The following ERAP1 variants were observed in gnomAD, a reference collection of about 807,000 sequenced individuals.
ERAP1 encodes endoplasmic reticulum aminopeptidase 1, also known as adipocyte-derived leucine aminopeptidase.
A neutral mutation model predicts 103.7 loss-of-function variants in ERAP1; 86 were observed. That is an observed-to-expected ratio of 0.83 (90% confidence interval 0.70 to 0.99). The LOEUF (loss-of-function observed/expected upper bound fraction) is 0.99, where lower values mean the gene tolerates loss of function less well. Among genes scored for constraint, ERAP1 ranks in the 50% least tolerant of loss-of-function variants. ERAP1 has a pLI of 0.00. For synonymous variants in ERAP1, 398 were observed against 402.4 expected (o/e 0.99, Z 0.13); for missense variants, 1,009 against 1,128.4 (o/e 0.89, Z 1.52).
chr5:96,855,745 T>C, the ERAP1 span, among the ~76,000 whole-genome samples: 1 of 152,208 alleles, frequency 6.6e-6, no homozygotes, highest in African/African-American at 2.4e-5. Flanking sequence ...TTTTTAGATC[T>C]GATTTCACAG....
chr5:96,878,583 C>G, the ERAP1 span, among the ~76,000 whole-genome samples: 1 of 152,054 alleles, frequency 6.6e-6, no homozygotes, highest in Non-Finnish European at 1.5e-5. Context: ...TGCTTGACCC[C>G]AGGAATTTGA....
At position 96,776,279 on chromosome 5, in the gene ERAP1, A is replaced by AGTT; in HGVS notation, c.*114_*116dup. On this transcript the variant is annotated 3_prime_UTR_variant, in exon 19 of 19. Transcript: ENST00000443439. ...TTTTCACAGGGATAGTCAAAAAATGAGTTGAAGGGAAAAAAGTATCTCCAG... is the reference window on the plus strand; with the variant it reads ...TTTTCACAGGGATAGTCAAAAAATGAGTTGTTGAAGGGAAAAAAGTATCTCCAG... 6.5e-7 allele frequency: 1 copy of AGTT among 1,532,372 alleles called. No individual in the cohort carries two copies. The allele number at this position is 1,532,372 out of a possible 1,614,324, so 94.9% of individuals were successfully genotyped here.
At chr5:96,832,953 A>C in the ERAP1 span, among the ~76,000 whole-genome samples, 1 of 152,172 alleles carries the variant, frequency 6.6e-6, no homozygotes, top group African/African-American at 2.4e-5. Context: ...TCGTGAATGA[A>C]ATTAGTGCCC....
chr5:96,763,942 G>A (rs186382404), intron 19 of ERAP1, among the ~76,000 whole-genome samples: 1 of 145,368 alleles, frequency 6.9e-6, no homozygotes, highest in African/African-American at 2.6e-5. Flanking sequence ...AACTGACTTA[G>A]CTTCCCTGAG....
rs767129427 is a variant in ERAP1, at chr5:96,786,541, C to T, written c.1688G>A (p.Trp563Ter). ...SDGAPDTGYLWHVPLTFITSK... is the reference protein window; with the variant it reads ...SDGAPDTGYL ...GGTGATGAATGTCAATGGAACATGC[C>T]ACAGGTACCTAAAATAAAGGAGAGG... is the stretch of plus-strand genomic sequence containing the variant. The change falls in exon 12 of 19, where the codon TGG becomes TAG. Residue 563 changes from tryptophan to a stop codon, truncating the protein, a stop_gained. Coordinates refer to ENST00000443439, the MANE Select transcript of ERAP1 (RefSeq NM_001040458.3). LOFTEE classifies it high-confidence loss of function. 6.8e-6 allele frequency: 11 copies of T among 1,609,180 alleles called. No individual in the cohort carries two copies. Among genetic ancestry groups the T allele is most frequent in the East Asian group, 2.2e-5 (1 of 44,878 alleles).
At chr5:96,908,018 A>C in the ERAP1 span, among the ~76,000 whole-genome samples, 1 of 152,188 alleles carries the variant, frequency 6.6e-6, no homozygotes, top group African/African-American at 2.4e-5. Context: ...GTGATTGAGA[A>C]GATTAAAGGG....
chr5:96,772,933 AC>A (rs1772983786), downstream of ERAP1: 3 of 154,024 alleles, frequency 1.9e-5, no homozygotes, highest in South Asian at 2.1e-4. Context: ...CACCAAAAAA[AC>A]AAAAGAAAAG....
chr5:96,782,550 T>A (rs899029991), intron 15 of ERAP1, among the ~76,000 whole-genome samples: 4 of 152,218 alleles, frequency 2.6e-5, no homozygotes, highest in African/African-American at 9.7e-5. Flanking sequence ...TTCTTTAAGC[T>A]GAAGCATGTA....
chr5:96,891,894 C>T, the ERAP1 span, among the ~76,000 whole-genome samples: 5 of 152,182 alleles, frequency 3.3e-5, no homozygotes, highest in East Asian at 3.9e-4. Flanking sequence ...GTTCATTATA[C>T]GTTTTGATGA....
At position 96,776,097 on chromosome 5, in the gene ERAP1, C is replaced by CTG. The variant is rs148692674; in HGVS notation, c.*298_*299insCA. ...AACATGGGGTACAGGGTTTTGGACA[C>CTG]GGGTGCTTAAGCATAAACTATAAAA... On this transcript the variant is annotated 3_prime_UTR_variant, in exon 19 of 19. Transcript: ENST00000443439. 150,202 of 1,318,470 alleles carry CTG rather than the reference C, an allele frequency of 0.11. 9,384 individuals carry two copies. The highest frequency in any genetic ancestry group is 0.13 in the Non-Finnish European group (127,579 of 1,012,266). The allele number at this position is 1,318,470 out of a possible 1,614,324, so 81.7% of individuals were successfully genotyped here. A position where few individuals can be genotyped will look rare whatever the true frequency, so the allele number is the denominator to read the frequency against.
At chr5:96,873,685 A>G in the ERAP1 span, 4 of 323,872 alleles carry the variant, frequency 1.2e-5, no homozygotes, top group East Asian at 7.7e-5. Context: ...AAGGAAAAAC[A>G]AAAAACAAAA....
At chr5:96,786,892 TCCTTGGGATTCC>T in intron 11 of ERAP1, 1 of 223,394 alleles carries the variant, frequency 4.5e-6, no homozygotes, top group Non-Finnish European at 9.0e-6. Flanking sequence ...CAATATCACC[TCCTTGGGATTCC>T]TGTCAATGAT....
rs30186 is a variant in ERAP1, at chr5:96,788,744, G to C, written c.1525-59C>G. On this transcript the variant is annotated intron_variant, in intron 10 of 18. Coordinates refer to ENST00000443439, the MANE Select transcript of ERAP1 (RefSeq NM_001040458.3). ...CATTTAACCCAACTCTAAGAAAAGAGAGAACACCAGCTTATGCTCAAACAG... is the reference window on the plus strand; with the variant it reads ...CATTTAACCCAACTCTAAGAAAAGACAGAACACCAGCTTATGCTCAAACAG... 0.76 allele frequency: 1,206,278 copies of C among 1,590,662 alleles called. 460,991 individuals carry two copies. The highest frequency in any genetic ancestry group is 0.79 in the Non-Finnish European group (923,491 of 1,170,434).
At chr5:96,821,943 T>C in the ERAP1 span, among the ~76,000 whole-genome samples, 2 of 152,230 alleles carry the variant, frequency 1.3e-5, no homozygotes, top group African/African-American at 2.4e-5. Flanking sequence ...TTTCAAATCT[T>C]TGCTGGTGTG....
Position 96,776,487 on chromosome 5 carries a change from A to T in ERAP1, c.2735T>A (p.Ile912Asn). ...GSQLRCVQQT[I>N]ETIEENIGWM... ...ACCGATGTTTTCTTCAATGGTTTCA[A>T]TTGTCTGTTGGACACAACGGAGCTG... is the stretch of plus-strand genomic sequence containing the variant. The change falls in exon 19 of 19, where the codon ATT (isoleucine) becomes AAT (asparagine). Residue 912 changes from isoleucine (I) to asparagine (N), a missense_variant. This residue lies in a region of ERAP1 where 611 missense variants were observed against 651.7 expected (regional missense o/e 0.94). Coordinates refer to ENST00000443439, the MANE Select transcript of ERAP1 (RefSeq NM_001040458.3). 7 of 1,614,186 alleles carry T rather than the reference A, an allele frequency of 4.3e-6. No individual in the cohort carries two copies. The highest frequency in any genetic ancestry group is 5.1e-6 in the Non-Finnish European group (6 of 1,180,030).
At chr5:96,824,014 G>A in the ERAP1 span, among the ~76,000 whole-genome samples, 14,515 of 152,228 alleles carry the variant, frequency 0.095, 901 homozygotes, top group Middle Eastern at 0.16. Context: ...GTGGGGATAT[G>A]CTGGGCAACG....
At chr5:96,906,148 C>T in the ERAP1 span, among the ~76,000 whole-genome samples, 2 of 151,632 alleles carry the variant, frequency 1.3e-5, no homozygotes, top group South Asian at 2.1e-4. Flanking sequence ...AGGGCTGTCT[C>T]CAGAGCCATT....
rs1241734509 is a variant in ERAP1 at position 96,794,060 on chromosome 5, A to G, written c.920-103T>C. On this transcript the variant is annotated intron_variant, in intron 5 of 18. Transcript: ENST00000443439. ...AGGTGTTTGAACCAGCTGCCCGTGC[A>G]TAATCATGGAGCTCTAGACTGGAAG... The G allele has an allele frequency of 2.6e-6, 3 of 1,143,158 alleles. No homozygotes were observed. In the South Asian group the frequency reaches 3.8e-5, roughly 14 times the overall value. 70.8% of individuals were successfully genotyped at this position (1,143,158 alleles called of 1,614,324 possible). A position where few individuals can be genotyped will look rare whatever the true frequency, so the allele number is the denominator to read the frequency against.
chr5:96,896,649 G>A, the ERAP1 span: 19 of 1,464,014 alleles, frequency 1.3e-5, no homozygotes, highest in African/African-American at 7.2e-5. Context: ...CACATGTTCC[G>A]TAAAATTTAA....
Sources: gnomAD v4.1 joint callset for allele counts (sites outside exome capture counted in the v4.1 genomes callset) on GRCh38, gnomAD v4.1.1 for gene constraint, gnomAD v4.1.1 regional missense constraint, MANE v1.5 for transcripts, NCBI Gene and HGNC (gene_info 2026-07-23, HGNC 2026-07-21) for gene names.